The following NXPE2 variants were observed in gnomAD, a reference collection of about 807,000 sequenced individuals.
NXPE2 encodes NXPE family member 2.
Under a neutral mutation model 34.4 loss-of-function variants are expected in NXPE2, and 34 were observed. The ratio of observed to expected loss-of-function variants is 0.99; its 90% CI spans 0.75 to 1.31. The LOEUF (loss-of-function observed/expected upper bound fraction) is 1.31. Ranked by LOEUF, NXPE2 falls within the 40% of genes most tolerant of loss-of-function variation. The pLI, the probability that NXPE2 is intolerant of heterozygous loss-of-function variation, is 0.00. For missense variants in NXPE2, 649 were observed against 672.5 expected, an observed-to-expected ratio of 0.97 and a Z score of 0.39; for synonymous variants, 235 against 231.3, an observed-to-expected ratio of 1.02 and a Z score of -0.15.
chr11:114,775,386 G>A, the NXPE2 span, among the ~76,000 whole-genome samples: 6 of 152,180 alleles, frequency 3.9e-5, no homozygotes, highest in Admixed American at 6.5e-5. Context: ...CAGTTGTTAG[G>A]GGGGGCAAGA....
chr11:114,751,242 G>T, the NXPE2 span, among the ~76,000 whole-genome samples: 23 of 152,204 alleles, frequency 1.5e-4, no homozygotes, highest in Admixed American at 1.5e-3. Context: ...AGAACGTGCA[G>T]CTTCTATGTG....
intron 2 of NXPE2, among the ~76,000 whole-genome samples, chr11:114,691,101 C>T (rs755873253): frequency 2.7e-4 from 41 of 152,106 alleles, no homozygotes; most frequent in Middle Eastern, 3.4e-3. Context: ...AGTTAATATA[C>T]ATTGTTTGTG....
chr11:114,682,492 C>T (rs1950965714), intron 2 of NXPE2, among the ~76,000 whole-genome samples: 1 of 152,124 alleles, frequency 6.6e-6, no homozygotes. Context: ...GAAGATGAGG[C>T]TTTAATTGCT....
the NXPE2 span, among the ~76,000 whole-genome samples, chr11:114,521,421 G>T: frequency 1.3e-5 from 2 of 152,126 alleles, no homozygotes; most frequent in Admixed American, 6.6e-5. Context: ...TCTGTTCCAT[G>T]ATATGATTCC....
At chr11:114,606,105 T>A in the NXPE2 span, among the ~76,000 whole-genome samples, 8 of 151,868 alleles carry the variant, frequency 5.3e-5, no homozygotes, top group Admixed American at 1.3e-4. Flanking sequence ...GGGTAGCCAC[T>A]GTTATCTGGT....
chr11:114,765,210 AT>A, the NXPE2 span, among the ~76,000 whole-genome samples: 1 of 152,004 alleles, frequency 6.6e-6, no homozygotes, highest in Non-Finnish European at 1.5e-5. Context: ...TCCCAATCTC[AT>A]TTTTCATACA....
At position 114,706,977 on chromosome 11, in the gene NXPE2, A is replaced by G. The variant is rs1951491259; in HGVS notation, c.*47A>G. 1 of 1,375,260 alleles carries G rather than the reference A, an allele frequency of 7.3e-7. No homozygotes were observed. Among genetic ancestry groups the G allele is most frequent in the East Asian group, 2.5e-5 (1 of 39,954 alleles). 85.2% of individuals were successfully genotyped at this position (1,375,260 alleles called of 1,614,324 possible). On this transcript the variant is annotated 3_prime_UTR_variant, in exon 6 of 6. Coordinates refer to ENST00000389586, the MANE Select transcript of NXPE2 (RefSeq NM_182495.6). The stretch of plus-strand genomic sequence containing the variant: ...CTAGCCACTTTCTATAGATGATCTC[A>G]CATATACAGCGAAGATAGTTTAATG...
chr11:114,759,795 A>T, the NXPE2 span, among the ~76,000 whole-genome samples: 1 of 152,226 alleles, frequency 6.6e-6, no homozygotes, highest in Non-Finnish European at 1.5e-5. Context: ...AATGTACAAA[A>T]AAGATCTTGC....
At chr11:114,656,962 T>C in the NXPE2 span, among the ~76,000 whole-genome samples, 1 of 151,998 alleles carries the variant, frequency 6.6e-6, no homozygotes, top group African/African-American at 2.4e-5. Context: ...GGCGTGGTGG[T>C]GGACACCTGT....
At chr11:114,762,238 C>T in the NXPE2 span, among the ~76,000 whole-genome samples, 1 of 151,968 alleles carries the variant, frequency 6.6e-6, no homozygotes, top group African/African-American at 2.4e-5. Flanking sequence ...GCATGGGGTA[C>T]CTATGCATGC....
At chr11:114,495,987 T>A in the NXPE2 span, among the ~76,000 whole-genome samples, 1 of 152,112 alleles carries the variant, frequency 6.6e-6, no homozygotes, top group Non-Finnish European at 1.5e-5. Context: ...GGGAGACAGA[T>A]GACACAAGCA....
chr11:114,794,155 G>A, the NXPE2 span, among the ~76,000 whole-genome samples: 1 of 152,066 alleles, frequency 6.6e-6, no homozygotes, highest in Admixed American at 6.5e-5. Flanking sequence ...ATCATCTTCA[G>A]AACAAAGTTC....
At chr11:114,601,905 A>C in the NXPE2 span, among the ~76,000 whole-genome samples, 47 of 40,332 alleles carry the variant, frequency 1.2e-3, no homozygotes, top group African/African-American at 3.5e-3. Flanking sequence ...ATTTATATAT[A>C]TTATATAATT....
chr11:114,592,179 TAA>T, the NXPE2 span, among the ~76,000 whole-genome samples: 1 of 152,112 alleles, frequency 6.6e-6, no homozygotes, highest in African/African-American at 2.4e-5. Flanking sequence ...CCAGAGCAAT[TAA>T]GTCAGAGAAA....
the NXPE2 span, among the ~76,000 whole-genome samples, chr11:114,723,856 A>G: frequency 6.6e-6 from 1 of 152,178 alleles, no homozygotes; most frequent in South Asian, 2.1e-4. Flanking sequence ...GGAAGGACAT[A>G]TGGAATCACA....
the NXPE2 span, among the ~76,000 whole-genome samples, chr11:114,486,680 T>G: frequency 6.6e-6 from 1 of 152,150 alleles, no homozygotes; most frequent in African/African-American, 2.4e-5. Context: ...TTGTTTATGG[T>G]GAGAGATAGG....
At chr11:114,531,573 C>T in the NXPE2 span, among the ~76,000 whole-genome samples, 1 of 152,130 alleles carries the variant, frequency 6.6e-6, no homozygotes, top group African/African-American at 2.4e-5. Context: ...TCTTGTAATT[C>T]TTGGGTAAAA....
At chr11:114,634,465 T>C in the NXPE2 span, among the ~76,000 whole-genome samples, 1 of 152,152 alleles carries the variant, frequency 6.6e-6, no homozygotes, top group Non-Finnish European at 1.5e-5. Flanking sequence ...CTCTTTAGTT[T>C]AGTTAGATCC....
At chr11:114,529,222 G>A in the NXPE2 span, 1 of 162,620 alleles carries the variant, frequency 6.1e-6, no homozygotes, top group Non-Finnish European at 1.3e-5. Flanking sequence ...AAGGGTACTG[G>A]CAGAATTGAA....
Sources: gnomAD v4.1 joint callset for allele counts (sites outside exome capture counted in the v4.1 genomes callset) on GRCh38, gnomAD v4.1.1 for gene constraint, MANE v1.5 for transcripts, NCBI Gene and HGNC (gene_info 2026-07-23, HGNC 2026-07-21) for gene names.